The following ABLIM2 variants were observed in gnomAD, a reference collection of about 807,000 sequenced individuals.
ABLIM2 encodes actin binding LIM protein family member 2, also known as actin-binding LIM protein 2.
Under a neutral mutation model 97.7 loss-of-function variants are expected in ABLIM2, and 53 were observed. The ratio of observed to expected loss-of-function variants is 0.54; its 90% CI spans 0.44 to 0.68. ABLIM2 has a LOEUF of 0.68. Ranked by LOEUF, ABLIM2 falls within the 30% of genes least tolerant of loss-of-function variation. ABLIM2 has a pLI of 0.00. For synonymous variants in ABLIM2, 361 were observed against 345.8 expected (o/e 1.04, Z -0.49); for missense variants, 835 against 867.2 (o/e 0.96, Z 0.47).
At chr4:8,077,809 C>G in intron 5 of ABLIM2, 88 bp from the exon 6 acceptor site, 1 of 1,194,266 alleles carries the variant, frequency 8.4e-7, no homozygotes, top group Non-Finnish European at 1.2e-6. Context: ...AGAGTCTGCC[C>G]TCAAAGTGGG....
At chr4:8,137,139 C>T (rs986145865) in intron 1 of ABLIM2, among the ~76,000 whole-genome samples, 9 of 152,214 alleles carry the variant, frequency 5.9e-5, no homozygotes, top group Non-Finnish European at 8.8e-5. Flanking sequence ...CTTTGTAAGC[C>T]GCCCAGGCTG....
intron 1 of ABLIM2, among the ~76,000 whole-genome samples, chr4:8,119,606 G>A (rs545457513): frequency 3.0e-4 from 46 of 152,252 alleles, no homozygotes; most frequent in African/African-American, 9.6e-4. Context: ...GATTATAGGC[G>A]TGAGCCACCG....
In ABLIM2 at chr4:8,140,500, G is replaced by A. The variant is rs932729698; in HGVS notation, c.10+18180C>T. Among the ~76,000 whole-genome samples the A allele has an allele frequency of 2.8e-4, 42 of 152,150 alleles. 1 individual carries two copies. Among genetic ancestry groups the A allele is most frequent in the Admixed American group, 2.2e-3 (34 of 15,280 alleles). The stretch of plus-strand genomic sequence containing the variant: ...CCTGGCGGGGAGCATGGGGGAAAGG[G>A]GGCAGTGACACGGGGGCCTTGCCTG... On this transcript the variant is annotated intron_variant, in intron 1 of 20. Transcript: ENST00000447017. The surrounding 1 kb of genome is among the most constrained non-coding windows in gnomAD (Gnocchi z 5.9).
rs187443908 is a variant in ABLIM2, at chr4:8,143,636, T to C, written c.10+15044A>G. Among the ~76,000 whole-genome samples, 140 of 152,270 alleles carry C rather than the reference T, an allele frequency of 9.2e-4. 1 individual carries two copies. Among genetic ancestry groups the C allele is most frequent in the Middle Eastern group, 3.4e-3 (1 of 294 alleles). On this transcript the variant is annotated intron_variant, in intron 1 of 20. Coordinates refer to ENST00000447017, the MANE Select transcript of ABLIM2 (RefSeq NM_001130083.2). ...TCTCTCAGGCCAGGTTCACTTTCTC[T>C]CTGGCCCCACAGCCTGCCTCCCTGA... is the stretch of plus-strand genomic sequence containing the variant.
chr4:8,049,971 A>G (rs758372260), intron 8 of ABLIM2, among the ~76,000 whole-genome samples: 6 of 152,110 alleles, frequency 3.9e-5, no homozygotes, highest in Non-Finnish European at 8.8e-5. Context: ...CAAATGATCC[A>G]CCAACCTCAG....
chr4:8,013,377 C>T (rs1237988731), intron 14 of ABLIM2, among the ~76,000 whole-genome samples: 1 of 152,026 alleles, frequency 6.6e-6, no homozygotes, highest in Non-Finnish European at 1.5e-5. Context: ...TGACCACCAC[C>T]ATGCCCGGCT....
In ABLIM2 at chr4:8,075,042, CCAAAGTGCT is replaced by C. The variant is rs1815098759; in HGVS notation, c.675+2577_675+2585del. 6.6e-6 allele frequency among the ~76,000 whole-genome samples: 1 copy of C among 152,146 alleles called. No homozygotes were observed. The highest frequency in any genetic ancestry group is 1.5e-5 in the Non-Finnish European group (1 of 68,038). On this transcript the variant is annotated intron_variant, in intron 6 of 20. Coordinates refer to ENST00000447017, the MANE Select transcript of ABLIM2 (RefSeq NM_001130083.2). This position sits in a 1 kb window ranked among gnomAD's most constrained non-coding sequence, Gnocchi z 4.4. ...CTCGTGATCCGCCTGCCTCAGCCTC[CCAAAGTGCT>C]GGGATTACAGGCATGAGCCACCGCT...
chr4:8,006,800 A>G (rs1235897813), intron 16 of ABLIM2, among the ~76,000 whole-genome samples: 1 of 152,260 alleles, frequency 6.6e-6, no homozygotes, highest in Non-Finnish European at 1.5e-5. Context: ...CCCTGCCTGC[A>G]GATGAGGTGG....
rs1293169315 is a variant in ABLIM2, at chr4:7,996,080, C to T, written c.1619-3153G>A. Among the ~76,000 whole-genome samples the T allele has an allele frequency of 6.6e-6, 1 of 152,166 alleles. No individual in the cohort carries two copies. The highest frequency in any genetic ancestry group is 2.4e-5 in the African/African-American group (1 of 41,442). On this transcript the variant is annotated intron_variant, in intron 16 of 20. Coordinates refer to ENST00000447017, the MANE Select transcript of ABLIM2 (RefSeq NM_001130083.2). This position sits in a 1 kb window ranked among gnomAD's most constrained non-coding sequence, Gnocchi z 4.5. ...GCATGCTCTGGGAGCCCGAGGGCCC[C>T]TCCAGCTGCAGCGGGAGCTCCTTAT...
chr4:7,993,689 T>TA (rs955557122), intron 16 of ABLIM2, among the ~76,000 whole-genome samples: 5 of 151,904 alleles, frequency 3.3e-5, no homozygotes, highest in African/African-American at 9.7e-5. Context: ...AAAAAATAAA[T>TA]AAAAAAAATC....
At chr4:8,066,887 T>C (rs925917903) in intron 6 of ABLIM2, among the ~76,000 whole-genome samples, 5 of 152,138 alleles carry the variant, frequency 3.3e-5, no homozygotes, top group African/African-American at 1.2e-4. Flanking sequence ...AATGGTTAAT[T>C]GTACGTTACG....
intron 1 of ABLIM2, among the ~76,000 whole-genome samples, chr4:8,108,307 G>A (rs189306690): frequency 2.0e-4 from 30 of 152,364 alleles, no homozygotes; most frequent in African/African-American, 6.5e-4. Flanking sequence ...GCTTTCACTC[G>A]GCTAGGGCTG....
In ABLIM2 at chr4:8,054,371, C is replaced by G; in HGVS notation, c.764-125G>C. On this transcript the variant is annotated intron_variant, in intron 7 of 20. Coordinates refer to ENST00000447017, the MANE Select transcript of ABLIM2 (RefSeq NM_001130083.2). This position sits in a 1 kb window ranked among gnomAD's most constrained non-coding sequence, Gnocchi z 4.9. Reference sequence around the variant, plus strand: ...GTGCACTCGGACTCCACCCTCCAAGCGGCCCTGAGCATCCTCTCTGTGCTG... The same window carrying G: ...GTGCACTCGGACTCCACCCTCCAAGGGGCCCTGAGCATCCTCTCTGTGCTG... The G allele has an allele frequency of 1.0e-6, 1 of 983,956 alleles. No individual in the cohort carries two copies. 61.0% of individuals were successfully genotyped at this position (983,956 alleles called of 1,614,324 possible). A position where few individuals can be genotyped will look rare whatever the true frequency, so the allele number is the denominator to read the frequency against.
chr4:8,001,547 AC>A lies in ABLIM2; in HGVS notation c.1618+6511del, dbSNP rs1160048578. Among the ~76,000 whole-genome samples the A allele has an allele frequency of 1.3e-5, 2 of 151,686 alleles. No individual in the cohort carries two copies. Among genetic ancestry groups the A allele is most frequent in the Non-Finnish European group, 2.9e-5 (2 of 67,872 alleles). ...CTCCTGGGCTGGGGTCCTCGCCCTGACCTCTGGAGCTCCCTCTGCTCTCTCT... is the reference window on the plus strand; with the variant it reads ...CTCCTGGGCTGGGGTCCTCGCCCTGACTCTGGAGCTCCCTCTGCTCTCTCT... On this transcript the variant is annotated intron_variant, in intron 16 of 20. Transcript: ENST00000447017. This position sits in a 1 kb window ranked among gnomAD's most constrained non-coding sequence, Gnocchi z 4.2.
intron 20 of ABLIM2, among the ~76,000 whole-genome samples, chr4:7,978,333 T>C (rs1056663872): frequency 2.6e-5 from 4 of 152,304 alleles, no homozygotes; most frequent in Admixed American, 2.6e-4. Flanking sequence ...CCCTTGGGTG[T>C]GTTCTTGGAA....
rs547238475 is a variant in ABLIM2 at position 8,015,045 on chromosome 4, C to A, written c.1423+4573G>T. Among the ~76,000 whole-genome samples, 1 of 152,054 alleles carries A rather than the reference C, an allele frequency of 6.6e-6. No individual in the cohort carries two copies. Among genetic ancestry groups the A allele is most frequent in the East Asian group, 1.9e-4 (1 of 5,182 alleles). On this transcript the variant is annotated intron_variant, in intron 14 of 20. Transcript: ENST00000447017. The surrounding 1 kb of genome is among the most constrained non-coding windows in gnomAD (Gnocchi z 4.6). ...AAGCAATTCTCGTACTTCAGCCTCC[C>A]GAGTAGCTGGGATTACAGGCGCCGG... is the stretch of plus-strand genomic sequence containing the variant.
At position 8,071,896 on chromosome 4, in the gene ABLIM2, C is replaced by T. The variant is rs567598815; in HGVS notation, c.675+5732G>A. Reference sequence around the variant, plus strand: ...AACAGTCTGTCACCTGCTCCTGCTGCGCCCTGGGAGTCCACTGTCACCCAG... The same window carrying T: ...AACAGTCTGTCACCTGCTCCTGCTGTGCCCTGGGAGTCCACTGTCACCCAG... On this transcript the variant is annotated intron_variant, in intron 6 of 20. Coordinates refer to ENST00000447017, the MANE Select transcript of ABLIM2 (RefSeq NM_001130083.2). This position sits in a 1 kb window ranked among gnomAD's most constrained non-coding sequence, Gnocchi z 6.2. 1.2e-4 allele frequency: 118 copies of T among 985,364 alleles called. No homozygotes were observed. Among genetic ancestry groups the T allele is most frequent in the East Asian group, 5.7e-4 (5 of 8,796 alleles). 61.0% of individuals were successfully genotyped at this position (985,364 alleles called of 1,614,324 possible).
At chr4:7,990,495 A>G (rs1425806691) in intron 17 of ABLIM2, among the ~76,000 whole-genome samples, 1 of 151,990 alleles carries the variant, frequency 6.6e-6, no homozygotes, top group Non-Finnish European at 1.5e-5. Context: ...CTCTCATGTA[A>G]TATTTGTTTG....
intron 14 of ABLIM2, chr4:8,010,629 C>A (rs1578566694): frequency 2.1e-6 from 2 of 951,730 alleles, no homozygotes; most frequent in Non-Finnish European, 2.5e-6. Context: ...TCAACGGCTA[C>A]CTGTTTCTCC....
Sources: allele counts gnomAD v4.1 joint callset (sites outside exome capture counted in the v4.1 genomes callset), GRCh38; gene constraint gnomAD v4.1.1; non-coding constraint Gnocchi (gnomAD v3.1); transcripts MANE v1.5; gene names NCBI Gene and HGNC (gene_info 2026-07-23, HGNC 2026-07-21).